PCDH15: variants seen among roughly 807,000 people sequenced by gnomAD.
The protein encoded by PCDH15 is protocadherin related 15.
PCDH15 carries 129 observed loss-of-function variants against 178.5 expected under a neutral mutation model. The observed-to-expected ratio is 0.72, with a 90% CI of 0.63 to 0.84. PCDH15 has a LOEUF of 0.84. Among genes scored for constraint, PCDH15 ranks in the 40% least tolerant of loss-of-function variants. The probability of loss-of-function intolerance (pLI) is 0.00; values close to 1 mark genes in which losing one functional copy is unlikely to be tolerated. For synonymous variants in PCDH15, 800 were observed against 732.0 expected (o/e 1.09, Z -1.50); for missense variants, 2,230 against 2,099.9 (o/e 1.06, Z -1.21).
intron 2 of PCDH15, among the ~76,000 whole-genome samples, chr10:54,995,877 A>G (rs530511713): frequency 1.3e-5 from 2 of 151,448 alleles, no homozygotes; most frequent in African/African-American, 4.9e-5. Context: ...CCTAATTCCT[A>G]TTTTCTCACA....
chr10:54,774,875 C>T (rs1949521729), intron 1 of PCDH15, among the ~76,000 whole-genome samples: 1 of 151,890 alleles, frequency 6.6e-6, no homozygotes, highest in Non-Finnish European at 1.5e-5. Context: ...TATTAAATGT[C>T]CTCCTGCCTT....
intron 3 of PCDH15, among the ~76,000 whole-genome samples, chr10:54,519,851 G>C (rs182302683): frequency 4.0e-4 from 61 of 152,208 alleles, no homozygotes; most frequent in Non-Finnish European, 7.9e-4. Flanking sequence ...CATAGTACTG[G>C]TACCAAAACA....
chr10:54,976,661 C>A (rs1359169269), intron 2 of PCDH15, among the ~76,000 whole-genome samples: 1 of 152,150 alleles, frequency 6.6e-6, no homozygotes, highest in Non-Finnish European at 1.5e-5. Context: ...TCTATAGGAG[C>A]AACTGGGGAA....
At chr10:54,498,717 A>G (rs1278149454) in intron 3 of PCDH15, among the ~76,000 whole-genome samples, 1 of 152,166 alleles carries the variant, frequency 6.6e-6, no homozygotes, top group East Asian at 1.9e-4. Context: ...ATGATAAAAG[A>G]TTCAATTCAG....
chr10:55,270,030 G>T (rs73252126), intron 1 of PCDH15, among the ~76,000 whole-genome samples: 1,793 of 152,218 alleles, frequency 0.012, 34 homozygotes, highest in African/African-American at 0.041. Flanking sequence ...AAGCAATGAG[G>T]AAAGGAACCT....
upstream of PCDH15, among the ~76,000 whole-genome samples, chr10:55,320,453 C>T (rs540920115): frequency 1.3e-5 from 2 of 152,208 alleles, no homozygotes; most frequent in South Asian, 4.2e-4. Context: ...AGCAAGCATG[C>T]ACCCTGCCAT....
chr10:54,850,162 T>C (rs934780285), intron 3 of PCDH15, among the ~76,000 whole-genome samples: 2 of 152,210 alleles, frequency 1.3e-5, no homozygotes, highest in Non-Finnish European at 2.9e-5. Flanking sequence ...TAGTGACTTT[T>C]AATAATATCT....
chr10:53,831,089 C>T (rs1350410219), intron 30 of PCDH15: 5 of 746,364 alleles, frequency 6.7e-6, no homozygotes, highest in African/African-American at 1.7e-5. Flanking sequence ...TGAAAGAGAC[C>T]GAATTAGAAT....
intron 2 of PCDH15, among the ~76,000 whole-genome samples, chr10:55,484,476 G>T (rs772966562): frequency 1.3e-5 from 2 of 151,672 alleles, no homozygotes; most frequent in Non-Finnish European, 1.5e-5. Flanking sequence ...ACTACCAAAA[G>T]AAATATACAA....
intron 2 of PCDH15, among the ~76,000 whole-genome samples, chr10:55,127,783 T>C (rs572070265): frequency 6.6e-6 from 1 of 152,196 alleles, no homozygotes; most frequent in African/African-American, 2.4e-5. Flanking sequence ...CATTTACGTA[T>C]AACCTTGGAG....
At chr10:55,612,281 GT>G (rs1406498148) in intron 2 of PCDH15, among the ~76,000 whole-genome samples, 1 of 151,894 alleles carries the variant, frequency 6.6e-6, no homozygotes, top group Non-Finnish European at 1.5e-5. Flanking sequence ...CATCAATATT[GT>G]ATGTTATAAA....
At chr10:55,498,376 T>G (rs1388796590) in intron 2 of PCDH15, among the ~76,000 whole-genome samples, 1 of 151,866 alleles carries the variant, frequency 6.6e-6, no homozygotes. Flanking sequence ...ACAGTATAGC[T>G]GCACCCAACA....
intron 27 of PCDH15, among the ~76,000 whole-genome samples, chr10:53,865,697 T>C (rs545755473): frequency 1.0e-3 from 153 of 151,534 alleles, no homozygotes; most frequent in African/African-American, 3.6e-3. Context: ...TGGAGGACTG[T>C]TTTGGCCACA....
intron 1 of PCDH15, among the ~76,000 whole-genome samples, chr10:54,765,525 G>C (rs1222221099): frequency 1.3e-5 from 2 of 152,070 alleles, no homozygotes; most frequent in African/African-American, 4.8e-5. Flanking sequence ...CTGGTACCCA[G>C]AATTTTGTTT....
At chr10:54,861,056 C>T (rs1300314461) in intron 3 of PCDH15, among the ~76,000 whole-genome samples, 1 of 152,186 alleles carries the variant, frequency 6.6e-6, no homozygotes, top group East Asian at 1.9e-4. Context: ...AACTCTGTTT[C>T]TCTTCTCTTT....
chr10:54,128,214 A>T (rs1048489187), intron 15 of PCDH15, among the ~76,000 whole-genome samples: 3 of 152,122 alleles, frequency 2.0e-5, no homozygotes, highest in Non-Finnish European at 4.4e-5. Flanking sequence ...TGGAATTCTA[A>T]CGTATCTTTT....
At chr10:54,247,054 G>A (rs543230509) in intron 8 of PCDH15, among the ~76,000 whole-genome samples, 1 of 151,846 alleles carries the variant, frequency 6.6e-6, no homozygotes, top group South Asian at 2.1e-4. Context: ...TCAGCTTAAT[G>A]TTTTATAAAT....
intron 2 of PCDH15, among the ~76,000 whole-genome samples, chr10:55,528,585 C>A (rs1841365933): frequency 6.6e-6 from 1 of 152,064 alleles, no homozygotes; most frequent in African/African-American, 2.4e-5. Context: ...CATAGTATTC[C>A]ATGGTGTATA....
chr10:54,632,252 A>G (rs1249851214), intron 2 of PCDH15, among the ~76,000 whole-genome samples: 1 of 152,122 alleles, frequency 6.6e-6, no homozygotes, highest in African/African-American at 2.4e-5. Context: ...GGACATAAAT[A>G]TGGGAACACT....
Sources: gnomAD v4.1 joint callset for allele counts (sites outside exome capture counted in the v4.1 genomes callset) on GRCh38, gnomAD v4.1.1 for gene constraint, MANE v1.5 for transcripts, NCBI Gene and HGNC (gene_info 2026-07-23, HGNC 2026-07-21) for gene names.